SLC17A5: variants seen among roughly 807,000 people sequenced by gnomAD.
The protein encoded by SLC17A5 is solute carrier family 17 member 5, also known as sialin.
SLC17A5 carries 47 observed loss-of-function variants against 59.4 expected under a neutral mutation model. The ratio of observed to expected loss-of-function variants is 0.79; its 90% confidence interval spans 0.63 to 1.01. SLC17A5 has a LOEUF of 1.01. Ranked by LOEUF, SLC17A5 falls within the 50% of genes least tolerant of loss-of-function variation. The pLI is 0.00. For synonymous variants in SLC17A5, 202 were observed against 210.7 expected (o/e 0.96, Z 0.36); for missense variants, 522 against 595.5 (o/e 0.88, Z 1.28).
In SLC17A5 at chr6:73,627,554, A is replaced by G. The variant is rs553835745; in HGVS notation, c.820-5592T>C. On this transcript the variant is annotated intron_variant, in intron 6 of 10. Transcript: ENST00000355773. ...TTTCTAACACACTACTATCTTGCCA[A>G]TCAAGCAATGTAAACACATACTCTC... 2.0e-5 allele frequency among the ~76,000 whole-genome samples: 3 copies of G among 152,174 alleles called. No individual in the cohort carries two copies. In the South Asian group the frequency reaches 6.2e-4, roughly 32 times the overall value.
chr6:73,621,000 A>ATTTATTATTATTATTATT (rs35762085), intron 7 of SLC17A5, among the ~76,000 whole-genome samples: 28 of 150,184 alleles, frequency 1.9e-4, no homozygotes, highest in Non-Finnish European at 3.3e-4. Context: ...TGCTGGGATT[A>ATTTATTATTATTATTATT]ATTATTATTA....
At chr6:73,616,618 TTTTC>T in intron 7 of SLC17A5, among the ~76,000 whole-genome samples, 1 of 151,672 alleles carries the variant, frequency 6.6e-6, no homozygotes, top group Non-Finnish European at 1.5e-5. Context: ...TTTTTTTTTT[TTTTC>T]TTTTGAGACA....
chr6:73,651,483 A>AAAAAAAAAAAC (rs1368983159), intron 1 of SLC17A5, among the ~76,000 whole-genome samples: 8 of 133,842 alleles, frequency 6.0e-5, no homozygotes, highest in Admixed American at 3.1e-4. Context: ...AAAAAAAAAA[A>AAAAAAAAAAAC]ATCAGGACAT....
intron 7 of SLC17A5, among the ~76,000 whole-genome samples, chr6:73,619,207 A>G (rs1395641615): frequency 6.6e-6 from 1 of 152,162 alleles, no homozygotes; most frequent in Non-Finnish European, 1.5e-5. Flanking sequence ...TACAACACTA[A>G]CTTCAAAGAT....
chr6:73,607,533 C>T (rs778636511), intron 9 of SLC17A5, among the ~76,000 whole-genome samples: 10 of 151,746 alleles, frequency 6.6e-5, no homozygotes, highest in Non-Finnish European at 1.5e-4. Flanking sequence ...CCCAAAGTGC[C>T]GGGATTACAG....
chr6:73,626,678 T>C (rs678054), intron 6 of SLC17A5, among the ~76,000 whole-genome samples: 24,879 of 152,240 alleles, frequency 0.16, 3,144 homozygotes, highest in African/African-American at 0.35. Context: ...TAGTTACATG[T>C]GGTTATTAAA....
chr6:73,599,489 C>T (rs1488428002), intron 10 of SLC17A5, among the ~76,000 whole-genome samples: 2 of 152,188 alleles, frequency 1.3e-5, no homozygotes, highest in South Asian at 2.1e-4. Flanking sequence ...ATTTCCCTAG[C>T]AGAAGTGCTG....
At chr6:73,620,420 A>C (rs755499053) in intron 7 of SLC17A5, among the ~76,000 whole-genome samples, 2 of 152,216 alleles carry the variant, frequency 1.3e-5, no homozygotes, top group Non-Finnish European at 1.5e-5. Context: ...TTAACAGAGA[A>C]CTTGGGAAAA....
At chr6:73,632,173 C>A (rs1768758603) in intron 6 of SLC17A5, among the ~76,000 whole-genome samples, 1 of 149,568 alleles carries the variant, frequency 6.7e-6, no homozygotes, top group Non-Finnish European at 1.5e-5. Flanking sequence ...GTGGTGTGCA[C>A]CTGTAGTCCC....
intron 9 of SLC17A5, among the ~76,000 whole-genome samples, chr6:73,600,785 G>C (rs1767024737): frequency 6.6e-6 from 1 of 152,174 alleles, no homozygotes; most frequent in Non-Finnish European, 1.5e-5. Context: ...TCAAGTATGA[G>C]CCACAGCGCC....
chr6:73,631,744 C>T (rs1768722226), intron 6 of SLC17A5, among the ~76,000 whole-genome samples: 1 of 151,808 alleles, frequency 6.6e-6, no homozygotes, highest in Non-Finnish European at 1.5e-5. Context: ...ATTATGCAGG[C>T]TATATTGTAT....
At chr6:73,627,288 G>C (rs1396964399) in intron 6 of SLC17A5, among the ~76,000 whole-genome samples, 9 of 151,982 alleles carry the variant, frequency 5.9e-5, no homozygotes, top group African/African-American at 2.2e-4. Flanking sequence ...TGTTGGCCAG[G>C]ATGGTCTCTA....
chr6:73,598,081 C>G (rs1766898802), intron 10 of SLC17A5, among the ~76,000 whole-genome samples: 1 of 152,214 alleles, frequency 6.6e-6, no homozygotes, highest in African/African-American at 2.4e-5. Context: ...TAAGACAAAG[C>G]TGCCCTGTGT....
intron 6 of SLC17A5, among the ~76,000 whole-genome samples, chr6:73,623,789 C>G (rs1008470919): frequency 5.9e-5 from 9 of 151,396 alleles, no homozygotes; most frequent in African/African-American, 2.2e-4. Flanking sequence ...CTTCTCTCTC[C>G]CAGGTTCAAG....
intron 8 of SLC17A5, among the ~76,000 whole-genome samples, chr6:73,615,058 A>G (rs1399569216): frequency 6.6e-6 from 1 of 152,110 alleles, no homozygotes; most frequent in African/African-American, 2.4e-5. Context: ...CCCTCAACCT[A>G]TAGGATCTGA....
intron 9 of SLC17A5, among the ~76,000 whole-genome samples, chr6:73,602,951 A>C (rs1767218395): frequency 6.6e-6 from 1 of 152,106 alleles, no homozygotes; most frequent in Non-Finnish European, 1.5e-5. Context: ...AATTGTAATT[A>C]ATTTTTGAAA....
intron 9 of SLC17A5, among the ~76,000 whole-genome samples, chr6:73,608,819 C>T (rs1767514552): frequency 6.6e-6 from 1 of 152,128 alleles, no homozygotes; most frequent in African/African-American, 2.4e-5. Flanking sequence ...AGACTGAGAC[C>T]ACCCTGGGCA....
intron 9 of SLC17A5, among the ~76,000 whole-genome samples, chr6:73,603,137 A>T (rs192872898): frequency 1.3e-5 from 2 of 151,854 alleles, no homozygotes; most frequent in Non-Finnish European, 2.9e-5. Flanking sequence ...TGTTCCATTA[A>T]TTACATTTTT....
intron 2 of SLC17A5, among the ~76,000 whole-genome samples, chr6:73,642,274 T>G (rs147935525): frequency 2.0e-3 from 297 of 152,258 alleles, no homozygotes; most frequent in Middle Eastern, 3.5e-3. Context: ...CTCGGGAGGC[T>G]GCCGCCCCCC....
Sources: allele counts gnomAD v4.1 joint callset (sites outside exome capture counted in the v4.1 genomes callset), GRCh38; gene constraint gnomAD v4.1.1; transcripts MANE v1.5; gene names NCBI Gene and HGNC (gene_info 2026-07-23, HGNC 2026-07-21).